The following COL22A1 variants were observed in gnomAD, a reference collection of about 807,000 sequenced individuals.
COL22A1 encodes the protein collagen type XXII alpha 1 chain.
Under a neutral mutation model 248.9 loss-of-function variants are expected in COL22A1, and 221 were observed. That is an observed-to-expected ratio of 0.89 (90% CI 0.80 to 0.99). The LOEUF is 0.99. COL22A1 is among the 50% of genes least tolerant of loss of function. The probability of loss-of-function intolerance (pLI) is 0.00; values close to 1 mark genes in which losing one functional copy is unlikely to be tolerated. For missense variants in COL22A1, 2,240 were observed against 2,179.0 expected (o/e 1.03, Z -0.56); for synonymous variants, 891 against 793.4 (o/e 1.12, Z -2.07).
intron 1 of COL22A1, among the ~76,000 whole-genome samples, chr8:138,893,315 A>C (rs1209138992): frequency 6.6e-6 from 1 of 152,202 alleles, no homozygotes; most frequent in African/African-American, 2.4e-5. Flanking sequence ...TCAAATTCCA[A>C]TTATGCTGCT....
intron 22 of COL22A1, among the ~76,000 whole-genome samples, chr8:138,746,794 C>T (rs73437354): frequency 0.022 from 3,418 of 152,334 alleles, 130 homozygotes; most frequent in African/African-American, 0.079. Flanking sequence ...CTCCACCTGG[C>T]ATCCGACCCG....
intron 1 of COL22A1, among the ~76,000 whole-genome samples, chr8:138,883,838 A>C (rs1824431980): frequency 6.6e-6 from 1 of 152,180 alleles, no homozygotes; most frequent in Non-Finnish European, 1.5e-5. Flanking sequence ...TTTCGTTTAT[A>C]AATTACCATC....
At chr8:138,674,155 C>T (rs946244908) in intron 41 of COL22A1, among the ~76,000 whole-genome samples, 2 of 152,180 alleles carry the variant, frequency 1.3e-5, no homozygotes, top group African/African-American at 4.8e-5. Context: ...TCCTTAGGGG[C>T]TACATGGGAT....
At chr8:138,656,680 G>A (rs1823299061) in intron 44 of COL22A1, among the ~76,000 whole-genome samples, 1 of 152,176 alleles carries the variant, frequency 6.6e-6, no homozygotes, top group Non-Finnish European at 1.5e-5. Context: ...TTAAAAGGCA[G>A]ACCGTAAAGG....
At chr8:138,763,682 A>G (rs557216589) in intron 16 of COL22A1, among the ~76,000 whole-genome samples, 1 of 152,132 alleles carries the variant, frequency 6.6e-6, no homozygotes, top group African/African-American at 2.4e-5. Context: ...GGCTTCCTTC[A>G]TCAGGCTCCT....
intron 44 of COL22A1, among the ~76,000 whole-genome samples, chr8:138,659,788 A>T (rs986231325): frequency 5.7e-4 from 87 of 152,204 alleles, no homozygotes; most frequent in African/African-American, 2.1e-3. Context: ...CCACATTGCC[A>T]AGGAACCAAC....
intron 13 of COL22A1, among the ~76,000 whole-genome samples, chr8:138,780,438 G>C (rs1814860035): frequency 6.6e-6 from 1 of 152,188 alleles, no homozygotes. Context: ...ACCCACCGAA[G>C]CTGAGATCAC....
At chr8:138,684,598 T>A in intron 38 of COL22A1, 129 bp from the exon 39 acceptor site, 2 of 720,680 alleles carry the variant, frequency 2.8e-6, no homozygotes, top group Non-Finnish European at 5.0e-6. Context: ...ATGACCTGAC[T>A]TGCACAAAAG....
intron 23 of COL22A1, 125 bp from the exon 24 acceptor site, chr8:138,725,565 T>A: frequency 2.6e-6 from 2 of 769,250 alleles, no homozygotes; most frequent in East Asian, 2.8e-5. Context: ...ACTTTATTTG[T>A]AATGCCTGAT....
At chr8:138,604,162 C>T (rs1055574817) in intron 59 of COL22A1, among the ~76,000 whole-genome samples, 4 of 152,234 alleles carry the variant, frequency 2.6e-5, no homozygotes, top group Middle Eastern at 6.8e-3. Flanking sequence ...AGCTAAGAGG[C>T]CAGTGACTAG....
At chr8:138,840,244 G>C (rs1482024815) in intron 4 of COL22A1, among the ~76,000 whole-genome samples, 1 of 152,066 alleles carries the variant, frequency 6.6e-6, no homozygotes, top group Non-Finnish European at 1.5e-5. Flanking sequence ...GGTTTTTCGG[G>C]GCTGGTTATA....
intron 55 of COL22A1, among the ~76,000 whole-genome samples, chr8:138,615,788 C>A (rs1019032761): frequency 1.3e-5 from 2 of 152,120 alleles, no homozygotes; most frequent in Non-Finnish European, 2.9e-5. Context: ...CATGACTGAT[C>A]CAGAAAAGCT....
At chr8:138,739,118 C>T (rs769087016) in intron 22 of COL22A1, among the ~76,000 whole-genome samples, 57 of 152,180 alleles carry the variant, frequency 3.7e-4, no homozygotes, top group Admixed American at 7.2e-4. Context: ...AAACATAAAT[C>T]ATGTCACATC....
At chr8:138,851,080 CAG>C (rs1563843182) in intron 3 of COL22A1, among the ~76,000 whole-genome samples, 1 of 152,316 alleles carries the variant, frequency 6.6e-6, no homozygotes, top group East Asian at 1.9e-4. Context: ...CAGAAGCCAA[CAG>C]AGAGAGGCAA....
At chr8:138,636,949 T>C (rs148438425) in intron 47 of COL22A1, among the ~76,000 whole-genome samples, 154 bp from the exon 48 acceptor site, 166 of 152,270 alleles carry the variant, frequency 1.1e-3, no homozygotes, top group African/African-American at 3.7e-3. Flanking sequence ...AGCAGATAGA[T>C]AGAAACAGGG....
chr8:138,625,463 G>A (rs1243979323), intron 51 of COL22A1, among the ~76,000 whole-genome samples: 2 of 152,202 alleles, frequency 1.3e-5, no homozygotes, highest in Non-Finnish European at 2.9e-5. Flanking sequence ...GCAGAAGGCA[G>A]TGCATGGCCT....
In COL22A1 at chr8:138,594,089, C is replaced by T. The variant is rs931304758; in HGVS notation, c.4543G>A (p.Gly1515Ser). The T allele has an allele frequency of 2.0e-5, 32 of 1,585,834 alleles. No homozygotes were observed. Among genetic ancestry groups the T allele is most frequent in the Non-Finnish European group, 2.5e-5 (29 of 1,170,856 alleles). Reference protein sequence around the residue: ...PGKDGLPGRAGPMGEPGRPGQ... With the variant: ...PGKDGLPGRASPMGEPGRPGQ... ...GGACGACCTGGCTCCCCCATGGGGC[C>T]GGCCCGGCCTGGAAGCCCATCTTTT... The change falls in exon 63 of 65, where the codon GGC becomes AGC. Residue 1515 changes from glycine (G) to serine (S), a missense_variant. By Grantham distance (56) the Gly-to-Ser change is moderately conservative. Coordinates refer to ENST00000303045, the MANE Select transcript of COL22A1 (RefSeq NM_152888.3).
intron 32 of COL22A1, among the ~76,000 whole-genome samples, chr8:138,697,959 G>A (rs1309081743): frequency 6.6e-6 from 1 of 152,206 alleles, no homozygotes; most frequent in Admixed American, 6.5e-5. Flanking sequence ...CCAGGCTCCC[G>A]CAGCAATGCA....
chr8:138,815,371 C>T lies in COL22A1; in HGVS notation c.1246-2352G>A, dbSNP rs771471299. 5.3e-5 allele frequency among the ~76,000 whole-genome samples: 8 copies of T among 152,256 alleles called. No homozygotes were observed. In the South Asian group the frequency reaches 8.3e-4, roughly 16 times the overall value. On this transcript the variant is annotated intron_variant, in intron 7 of 64. Transcript: ENST00000303045. ...CCAGGCAGTGCTGCCTTCTCAAGCA[C>T]GAAAGCCGAACTCTTGCTAATGTAT...
Sources: allele counts gnomAD v4.1 joint callset (sites outside exome capture counted in the v4.1 genomes callset), GRCh38; gene constraint gnomAD v4.1.1; transcripts MANE v1.5; gene names NCBI Gene and HGNC (gene_info 2026-07-23, HGNC 2026-07-21).